The following STK32B variants were observed in gnomAD, a reference collection of about 807,000 sequenced individuals.
STK32B encodes serine/threonine kinase 32B, also known as serine/threonine-protein kinase 32B.
A neutral mutation model predicts 52.6 loss-of-function variants in STK32B; 43 were observed. That is an observed-to-expected ratio of 0.82 (90% CI 0.64 to 1.05). The LOEUF (loss-of-function observed/expected upper bound fraction) is 1.05, where lower values mean the gene tolerates loss of function less well. STK32B is among the 50% of genes least tolerant of loss of function. The probability of loss-of-function intolerance (pLI) is 0.00; values close to 1 mark genes in which losing one functional copy is unlikely to be tolerated. For synonymous variants in STK32B, 238 were observed against 204.3 expected (o/e 1.17, Z -1.41); for missense variants, 621 against 534.6 (o/e 1.16, Z -1.59).
Position 5,500,648 on chromosome 4 carries a change from G to GT in STK32B, c.*1569dup. 6.6e-6 allele frequency: 1 copy of GT among 152,182 alleles called. No homozygotes were observed. The highest frequency in any genetic ancestry group is 6.5e-5 in the Admixed American group (1 of 15,298). 9.4% of individuals were successfully genotyped at this position (152,182 alleles called of 1,614,324 possible). ...AAAAGACATTTTAATGTATGGTTAG[G>GT]TTTTATATTTTTATTTTTTAAAAAA... is the stretch of plus-strand genomic sequence containing the variant. On this transcript the variant is annotated 3_prime_UTR_variant, in exon 12 of 12. Coordinates refer to ENST00000282908, the MANE Select transcript of STK32B (RefSeq NM_018401.3).
intron 3 of STK32B, among the ~76,000 whole-genome samples, chr4:5,307,363 T>A (rs190570409): frequency 6.6e-6 from 1 of 152,270 alleles, no homozygotes; most frequent in Non-Finnish European, 1.5e-5. Flanking sequence ...TTTTGTCAGA[T>A]TGGTTTAATT....
chr4:5,159,788 AAT>A lies in STK32B; in HGVS notation c.109-8502_109-8501del, dbSNP rs1201247020. The stretch of plus-strand genomic sequence containing the variant: ...ATATATGAATATATGAATGTTTATG[AAT>A]ATATATATGAATATATATATGTTAT... On this transcript the variant is annotated intron_variant, in intron 2 of 11. Coordinates refer to ENST00000282908, the MANE Select transcript of STK32B (RefSeq NM_018401.3). Among the ~76,000 whole-genome samples the A allele has an allele frequency of 1.2e-4, 18 of 145,148 alleles. 1 individual carries two copies. The highest frequency in any genetic ancestry group is 4.2e-4 in the African/African-American group (16 of 37,984).
chr4:5,144,957 G>A (rs1461514310), intron 2 of STK32B, among the ~76,000 whole-genome samples: 2 of 152,158 alleles, frequency 1.3e-5, no homozygotes, highest in African/African-American at 2.4e-5. Flanking sequence ...GTAATAAACA[G>A]TCAACTATAG....
At chr4:5,269,772 C>T (rs770221701) in intron 3 of STK32B, among the ~76,000 whole-genome samples, 24 of 151,976 alleles carry the variant, frequency 1.6e-4, no homozygotes, top group Non-Finnish European at 2.6e-4. Flanking sequence ...GGAAATACAC[C>T]CCAGTTGATT....
intron 3 of STK32B, among the ~76,000 whole-genome samples, chr4:5,219,750 A>T (rs538747107): frequency 6.6e-6 from 1 of 152,324 alleles, no homozygotes; most frequent in East Asian, 1.9e-4. Context: ...ACCCCAGCTC[A>T]CTACTCCACT....
At chr4:5,052,700 C>A (rs1476277245) in intron 1 of STK32B, among the ~76,000 whole-genome samples, 2 of 152,294 alleles carry the variant, frequency 1.3e-5, no homozygotes, top group South Asian at 4.1e-4. Flanking sequence ...TGAAGCTTAA[C>A]CACTAGTAAT....
chr4:5,224,789 G>A (rs1469097577), intron 3 of STK32B, among the ~76,000 whole-genome samples: 2 of 152,046 alleles, frequency 1.3e-5, no homozygotes, highest in African/African-American at 2.4e-5. Context: ...TATCAACTCT[G>A]AGTATAAATC....
At chr4:5,179,623 T>C (rs1337010500) in intron 3 of STK32B, among the ~76,000 whole-genome samples, 3 of 152,204 alleles carry the variant, frequency 2.0e-5, no homozygotes, top group Non-Finnish European at 2.9e-5. Flanking sequence ...GGTAGATTGA[T>C]AGACGATGGC....
At chr4:5,475,934 G>A (rs1025111923) in intron 11 of STK32B, among the ~76,000 whole-genome samples, 14 of 151,354 alleles carry the variant, frequency 9.2e-5, no homozygotes, top group African/African-American at 2.7e-4. Context: ...TTTGCTCGTC[G>A]CCCAGGCTGG....
intron 3 of STK32B, among the ~76,000 whole-genome samples, chr4:5,308,105 C>T (rs1730048978): frequency 6.6e-6 from 1 of 152,140 alleles, no homozygotes; most frequent in Non-Finnish European, 1.5e-5. Context: ...GTTGTTTAGC[C>T]TCCAGCCAGG....
At chr4:5,486,824 T>A (rs565760538) in intron 11 of STK32B, among the ~76,000 whole-genome samples, 121 of 152,344 alleles carry the variant, frequency 7.9e-4, no homozygotes, top group African/African-American at 2.7e-3. Flanking sequence ...TCTTTAAGTA[T>A]GTCCAAAGAA....
At chr4:5,226,296 C>T (rs1292993086) in intron 3 of STK32B, among the ~76,000 whole-genome samples, 1 of 152,118 alleles carries the variant, frequency 6.6e-6, no homozygotes, top group Non-Finnish European at 1.5e-5. Context: ...GCATTTGTTT[C>T]AGTATGCAGT....
At chr4:5,376,511 G>A (rs890187403) in intron 4 of STK32B, among the ~76,000 whole-genome samples, 2 of 151,942 alleles carry the variant, frequency 1.3e-5, no homozygotes, top group African/African-American at 4.8e-5. Flanking sequence ...CAGAGCACTG[G>A]CAAGACCCAG....
intron 6 of STK32B, among the ~76,000 whole-genome samples, chr4:5,439,558 G>A (rs1007750224): frequency 1.3e-5 from 2 of 151,324 alleles, no homozygotes; most frequent in Non-Finnish European, 1.5e-5. Flanking sequence ...TAGGTTGCCT[G>A]TTCACTCTGA....
intron 1 of STK32B, among the ~76,000 whole-genome samples, chr4:5,103,280 T>A (rs916589159): frequency 1.3e-5 from 2 of 152,082 alleles, no homozygotes; most frequent in African/African-American, 2.4e-5. Flanking sequence ...TAAAGCCCCA[T>A]GTTTGCCACA....
At position 5,145,697 on chromosome 4, in the gene STK32B, A is replaced by G. The variant is rs192503541; in HGVS notation, c.108+5737A>G. 1.4e-3 allele frequency among the ~76,000 whole-genome samples: 214 copies of G among 152,324 alleles called. 2 individuals carry two copies. Among genetic ancestry groups the G allele is most frequent in the Non-Finnish European group, 4.1e-4 (28 of 68,024 alleles). On this transcript the variant is annotated intron_variant, in intron 2 of 11. Coordinates refer to ENST00000282908, the MANE Select transcript of STK32B (RefSeq NM_018401.3). Reference sequence around the variant, plus strand: ...TATTGCATTTTTTGCTATTGTTTAAAAAATGGGTTGTTTGTCTTATTTAAT... The same window carrying G: ...TATTGCATTTTTTGCTATTGTTTAAGAAATGGGTTGTTTGTCTTATTTAAT...
chr4:5,019,540 G>A, the STK32B span: 1 of 1,304,968 alleles, frequency 7.7e-7, no homozygotes. Context: ...TGTGGGGCCA[G>A]CGCAGGCTGC....
intron 11 of STK32B, among the ~76,000 whole-genome samples, chr4:5,478,354 C>G (rs538365011): frequency 7.0e-4 from 106 of 152,182 alleles, no homozygotes; most frequent in African/African-American, 2.4e-3. Flanking sequence ...TAAGAGAATC[C>G]CTTGCGTTTT....
chr4:5,483,147 G>A (rs1718860086), intron 11 of STK32B, among the ~76,000 whole-genome samples: 1 of 151,860 alleles, frequency 6.6e-6, no homozygotes, highest in South Asian at 2.1e-4. Context: ...GATTGGAATA[G>A]TTTCAGAAGG....
Sources: gnomAD v4.1 joint callset for allele counts (sites outside exome capture counted in the v4.1 genomes callset) on GRCh38, gnomAD v4.1.1 for gene constraint, MANE v1.5 for transcripts, NCBI Gene and HGNC (gene_info 2026-07-23, HGNC 2026-07-21) for gene names.